The following RNF145 variants were observed in gnomAD, a reference collection of about 807,000 sequenced individuals.
The protein encoded by RNF145 is ring finger protein 145.
In RNF145, 12 loss-of-function variants were observed where a neutral mutation model predicts 57.3. The ratio of observed to expected loss-of-function variants is 0.21; its 90% CI spans 0.13 to 0.34. RNF145 has a LOEUF of 0.34. Among genes scored for constraint, RNF145 ranks in the 10% least tolerant of loss-of-function variants. The pLI is 1.00. For synonymous variants in RNF145, 262 were observed against 288.3 expected (o/e 0.91, Z 0.92); for missense variants, 429 against 799.0 (o/e 0.54, Z 5.58).
rs74770414 is a variant in RNF145, at chr5:159,203,633, C to CT, written c.-17dup. 0.03 allele frequency: 29,855 copies of CT among 989,550 alleles called. No individual in the cohort carries two copies. Among genetic ancestry groups the CT allele is most frequent in the Non-Finnish European group, 0.034 (24,132 of 716,600 alleles). The allele number at this position is 989,550 out of a possible 1,614,324, so 61.3% of individuals were successfully genotyped here. On this transcript the variant is annotated 5_prime_UTR_variant, in exon 2 of 11. Transcript: ENST00000424310. ...TTGCAGCCATGTTGTTTTTTTTTTTCTTTTTTTTTTTCTTGGAGAAGACCT... is the reference window on the plus strand; with the variant it reads ...TTGCAGCCATGTTGTTTTTTTTTTTCTTTTTTTTTTTTCTTGGAGAAGACCT...
rs1343828483 is a variant in RNF145, at chr5:159,168,808, A to T, written c.1121+65T>A. On this transcript the variant is annotated intron_variant, in intron 8 of 10. Transcript: ENST00000424310. ...GTCTCTAAATATTCCCTAAATATTT[A>T]GACAACAAATGCATGTAAAGAATAT... is the stretch of plus-strand genomic sequence containing the variant. 2.6e-5 allele frequency: 27 copies of T among 1,039,454 alleles called. 1 individual carries two copies. In the Middle Eastern group the frequency reaches 1.1e-3, roughly 42 times the overall value. The allele number at this position is 1,039,454 out of a possible 1,614,324, so 64.4% of individuals were successfully genotyped here. A position where few individuals can be genotyped will look rare whatever the true frequency, so the allele number is the denominator to read the frequency against.
At chr5:159,179,082 T>G (rs1784799200) in intron 4 of RNF145, among the ~76,000 whole-genome samples, 1 of 152,112 alleles carries the variant, frequency 6.6e-6, no homozygotes, top group Non-Finnish European at 1.5e-5. Context: ...TAAATGTCCT[T>G]GTTGAGCACA....
chr5:159,199,665 G>A (rs901168536), intron 2 of RNF145, among the ~76,000 whole-genome samples: 4 of 151,760 alleles, frequency 2.6e-5, no homozygotes, highest in African/African-American at 7.3e-5. Context: ...CCTATAAAAC[G>A]CTGCCTAATC....
chr5:159,191,064 A>G (rs1455193482), intron 3 of RNF145, among the ~76,000 whole-genome samples: 1 of 151,198 alleles, frequency 6.6e-6, no homozygotes, highest in East Asian at 1.9e-4. Context: ...CATAAAACAC[A>G]CAATAGCTGA....
chr5:159,191,079 C>CAAAAAAAAAAAAAAAAAA (rs545613338), intron 3 of RNF145, among the ~76,000 whole-genome samples: 1 of 61,328 alleles, frequency 1.6e-5, no homozygotes. Context: ...AGCTGATGAG[C>CAAAAAAAAAAAAAAAAAA]AAAAAAAAAA....
chr5:159,189,152 T>C (rs928539173), intron 3 of RNF145, among the ~76,000 whole-genome samples: 20 of 152,212 alleles, frequency 1.3e-4, no homozygotes, highest in African/African-American at 4.6e-4. Context: ...GGGACTTGTA[T>C]ATATTTGCAA....
At chr5:159,164,700 A>G (rs181207066) in intron 8 of RNF145, among the ~76,000 whole-genome samples, 2 of 152,358 alleles carry the variant, frequency 1.3e-5, no homozygotes, top group East Asian at 3.9e-4. Flanking sequence ...TACTATAAAA[A>G]TGACAACCCA....
At chr5:159,187,006 C>T (rs1423718353) in intron 3 of RNF145, among the ~76,000 whole-genome samples, 2 of 147,402 alleles carry the variant, frequency 1.4e-5, no homozygotes, top group African/African-American at 5.0e-5. Flanking sequence ...AACAGTTGGG[C>T]GTGGTAGCTC....
chr5:159,194,778 C>T lies in RNF145; in HGVS notation c.231G>A (p.Leu77=). ...VVLLTLPRQH[L]VQLYLYFLTA... ...TCAAAAAATATAGATAAAGCTGAAC[C>T]AGATGCTGCCTGGGCAATGTTAGCA... Residue 77 remains leucine, a synonymous_variant, in exon 3 of 11, where the codon CTG becomes CTA. Coordinates refer to ENST00000424310, the MANE Select transcript of RNF145 (RefSeq NM_001199383.2). The T allele has an allele frequency of 6.2e-7, 1 of 1,613,786 alleles. No individual in the cohort carries two copies. Among genetic ancestry groups the T allele is most frequent in the South Asian group, 1.1e-5 (1 of 91,070 alleles).
rs367643224 is a variant in RNF145 at position 159,163,126 on chromosome 5, G to C, written c.1122-47C>G. ...CTTTTTAAGTGCCTGCCACCTAGTA[G>C]CACAACCACTCACATCAGCAGCTAA... On this transcript the variant is annotated intron_variant, in intron 8 of 10. Transcript: ENST00000424310. The C allele has an allele frequency of 3.7e-5, 56 of 1,529,434 alleles. 1 individual carries two copies. Among genetic ancestry groups the C allele is most frequent in the Non-Finnish European group, 4.8e-5 (54 of 1,133,522 alleles). The allele number at this position is 1,529,434 out of a possible 1,614,324, so 94.7% of individuals were successfully genotyped here.
At chr5:159,195,403 G>A (rs565833936) in intron 2 of RNF145, among the ~76,000 whole-genome samples, 2 of 151,742 alleles carry the variant, frequency 1.3e-5, no homozygotes, top group African/African-American at 4.8e-5. Context: ...TCAAATGTTT[G>A]AAAAGATCTA....
At chr5:159,174,265 G>T in intron 5 of RNF145, 107 bp from the exon 6 acceptor site, 2 of 731,684 alleles carry the variant, frequency 2.7e-6, no homozygotes, top group African/African-American at 1.8e-5. Flanking sequence ...TTCTTTGATT[G>T]CAAGACTGTT....
intron 5 of RNF145, among the ~76,000 whole-genome samples, chr5:159,174,906 T>A (rs998016926): frequency 6.6e-6 from 1 of 152,154 alleles, no homozygotes; most frequent in African/African-American, 2.4e-5. Context: ...TCTAAGAGCA[T>A]AGGTGTAACC....
chr5:159,190,241 C>T (rs1210592085), intron 3 of RNF145, among the ~76,000 whole-genome samples: 1 of 152,102 alleles, frequency 6.6e-6, no homozygotes, highest in East Asian at 1.9e-4. Flanking sequence ...ACCATGTTGC[C>T]CAGGCTGGTC....
chr5:159,198,639 G>T (rs1011686127), intron 2 of RNF145, among the ~76,000 whole-genome samples: 19 of 152,162 alleles, frequency 1.2e-4, no homozygotes, highest in African/African-American at 4.1e-4. Flanking sequence ...CTTCTGAGGT[G>T]AGAAAAAGGT....
At chr5:159,206,376 T>A (rs1415868667) in intron 1 of RNF145, among the ~76,000 whole-genome samples, 1 of 152,032 alleles carries the variant, frequency 6.6e-6, no homozygotes, top group Non-Finnish European at 1.5e-5. Context: ...GAGAAAAAAA[T>A]TTCAAAACCT....
At chr5:159,175,488 C>T (rs192410417) in intron 5 of RNF145, among the ~76,000 whole-genome samples, 3 of 152,130 alleles carry the variant, frequency 2.0e-5, no homozygotes, top group East Asian at 3.9e-4. Context: ...TAAGTATTTA[C>T]TGAATATTCA....
At chr5:159,181,582 C>T (rs1230620387) in intron 4 of RNF145, among the ~76,000 whole-genome samples, 4 of 151,902 alleles carry the variant, frequency 2.6e-5, no homozygotes, top group East Asian at 3.9e-4. Context: ...TTGATGTTTC[C>T]GGACATTCAT....
chr5:159,201,298 G>A (rs565640916), intron 2 of RNF145, among the ~76,000 whole-genome samples: 194 of 152,184 alleles, frequency 1.3e-3, no homozygotes, highest in African/African-American at 4.4e-3. Context: ...ATACACCGAC[G>A]GACCACTGTA....
Sources: gnomAD v4.1 joint callset for allele counts (sites outside exome capture counted in the v4.1 genomes callset) on GRCh38, gnomAD v4.1.1 for gene constraint, MANE v1.5 for transcripts, NCBI Gene and HGNC (gene_info 2026-07-23, HGNC 2026-07-21) for gene names.